The following PABIR3 variants were observed in gnomAD, a reference collection of about 807,000 sequenced individuals.
PABIR3 encodes the protein PABIR family member 3, also known as PABIR family member 1.
Under a neutral mutation model 23.1 loss-of-function variants are expected in PABIR3, and 20 were observed. The ratio of observed to expected loss-of-function variants is 0.86; its 90% CI spans 0.61 to 1.26. The LOEUF (loss-of-function observed/expected upper bound fraction) is 1.26, where lower values mean the gene tolerates loss of function less well. Among genes scored for constraint, PABIR3 ranks in the 50% most tolerant of loss-of-function variants. PABIR3 has a pLI of 0.00. For synonymous variants in PABIR3, 69 were observed against 68.5 expected (o/e 1.01, Z -0.04); for missense variants, 189 against 195.4 (o/e 0.97, Z 0.20).
chrX:134,834,818 G>T (rs2081921102), intron 4 of PABIR3, among the ~76,000 whole-genome samples: 1 of 111,900 alleles, frequency 8.9e-6, no homozygotes, highest in South Asian at 3.8e-4. Context: ...GCAGATGGTT[G>T]TATATGTGTG....
chrX:134,830,918 T>C (rs1296724580), intron 4 of PABIR3, among the ~76,000 whole-genome samples: 2 of 111,497 alleles, frequency 1.8e-5, no homozygotes, highest in Non-Finnish European at 3.8e-5. Context: ...ATTATAAATA[T>C]TTAAAAATGA....
intron 2 of PABIR3, chrX:134,810,022 T>C: frequency 1.3e-6 from 1 of 754,547 alleles, no homozygotes; most frequent in Non-Finnish European, 1.6e-6. Context: ...GCTCTAATTC[T>C]GTTGTGGGAA....
chrX:134,796,400 T>C (rs1202518694), upstream of PABIR3: 12 of 382,503 alleles, frequency 3.1e-5, no homozygotes, highest in Admixed American at 3.0e-4. Context: ...AGGAGGATGA[T>C]GATGAGGAAG....
In PABIR3 at chrX:134,815,736, G is replaced by A. The variant is rs756886673; in HGVS notation, c.189+887G>A. The stretch of plus-strand genomic sequence containing the variant: ...ACTTTGTCACCCAGGCTGGAGTGCA[G>A]TGACATGATCTCGGCTCACTGCAAC... On this transcript the variant is annotated intron_variant, in intron 3 of 10. Coordinates refer to ENST00000645433, the MANE Select transcript of PABIR3 (RefSeq NM_001388447.1). Among the ~76,000 whole-genome samples, 6 of 108,506 alleles carry A rather than the reference G, an allele frequency of 5.5e-5. No homozygotes were observed. The South Asian group carries it at 2.4e-3, about 44-fold the overall frequency. 94.2% of individuals were successfully genotyped at this position (108,506 alleles called of 115,157 possible). A position where few individuals can be genotyped will look rare whatever the true frequency, so the allele number is the denominator to read the frequency against.
At chrX:134,847,516 G>A in intron 7 of PABIR3, 41 bp downstream of exon 7, 1 of 978,130 alleles carries the variant, frequency 1.0e-6, no homozygotes, top group Non-Finnish European at 1.4e-6. Flanking sequence ...TCTTGAAATA[G>A]TTAGGAAATA....
chrX:134,851,244 C>T, intron 9 of PABIR3, among the ~76,000 whole-genome samples: 1 of 111,232 alleles, frequency 9.0e-6, no homozygotes, highest in Non-Finnish European at 1.9e-5. Context: ...TAGGAATAAG[C>T]AAGAGCATGG....
At chrX:134,831,451 A>G (rs2081773735) in intron 4 of PABIR3, among the ~76,000 whole-genome samples, 1 of 111,497 alleles carries the variant, frequency 9.0e-6, no homozygotes, top group African/African-American at 3.3e-5. Context: ...CAAAACAGAA[A>G]TGTCTGGTTC....
intron 2 of PABIR3, among the ~76,000 whole-genome samples, chrX:134,812,875 C>A (rs1389202221): frequency 6.3e-5 from 7 of 111,973 alleles, no homozygotes; most frequent in Non-Finnish European, 9.4e-5. Flanking sequence ...GAACCCCTGA[C>A]TCCCAGATGT....
At chrX:134,807,395 G>A (rs2080298936) in intron 1 of PABIR3, 54 bp downstream of exon 1, 3 of 999,884 alleles carry the variant, frequency 3.0e-6, no homozygotes, top group Non-Finnish European at 3.8e-6. Context: ...AGGCGGTTCG[G>A]AGCCAGTTCT....
At chrX:134,827,908 T>G (rs2081573231) in intron 3 of PABIR3, among the ~76,000 whole-genome samples, 1 of 109,435 alleles carries the variant, frequency 9.1e-6, no homozygotes, top group Admixed American at 9.9e-5. Context: ...TGTTCTGCCA[T>G]TTGGCTGTGA....
intron 4 of PABIR3, among the ~76,000 whole-genome samples, chrX:134,833,619 A>G (rs2081882608): frequency 9.0e-6 from 1 of 111,028 alleles, no homozygotes; most frequent in Admixed American, 9.7e-5. Flanking sequence ...TACGTGTTCC[A>G]TGGTGGTTTG....
downstream of PABIR3, among the ~76,000 whole-genome samples, chrX:134,855,776 A>G (rs892523322): frequency 6.3e-5 from 7 of 111,946 alleles, no homozygotes; most frequent in African/African-American, 2.3e-4. Flanking sequence ...CCAACTATTT[A>G]TAAAATGACT....
At chrX:134,815,316 T>C (rs1279797364) in intron 3 of PABIR3, among the ~76,000 whole-genome samples, 1 of 111,594 alleles carries the variant, frequency 9.0e-6, no homozygotes, top group Non-Finnish European at 1.9e-5. Flanking sequence ...TTGCTTTTCA[T>C]GGTATTATCA....
At chrX:134,845,585 C>T (rs764154229) in intron 6 of PABIR3, among the ~76,000 whole-genome samples, 184 bp downstream of exon 6, 5 of 111,069 alleles carry the variant, frequency 4.5e-5, no homozygotes, top group Non-Finnish European at 9.4e-5. Flanking sequence ...CAAGGTCTCA[C>T]TATGTTGTCC....
rs2080293422 is a variant in PABIR3, at chrX:134,807,322, G to T, written c.-79G>T. 3.2e-6 allele frequency: 3 copies of T among 945,581 alleles called. No individual in the cohort carries two copies. The highest frequency in any genetic ancestry group is 4.0e-5 in the African/African-American group (2 of 49,807). The allele number at this position is 945,581 out of a possible 1,213,427, so 77.9% of individuals were successfully genotyped here. ...CGGCGGTGACAGATTAAATTCCCCA[G>T]TTACATTATAGACTTGGAGGTGGGG... is the stretch of plus-strand genomic sequence containing the variant. On this transcript the variant is annotated 5_prime_UTR_variant, in exon 1 of 11. Coordinates refer to ENST00000645433, the MANE Select transcript of PABIR3 (RefSeq NM_001388447.1).
intron 4 of PABIR3, chrX:134,833,042 C>T (rs1053893057): frequency 9.0e-6 from 1 of 110,989 alleles, no homozygotes; most frequent in Non-Finnish European, 1.9e-5. Context: ...TTCCAGAAGG[C>T]CCACTGTGGA....
At chrX:134,828,019 C>CTG (rs1166700812) in intron 3 of PABIR3, among the ~76,000 whole-genome samples, 1 of 51,113 alleles carries the variant, frequency 2.0e-5, no homozygotes, top group Non-Finnish European at 3.8e-5. Context: ...TGCTCTCTCT[C>CTG]TCTCTCTCTC....
At chrX:134,821,542 G>A (rs1327128172) in intron 3 of PABIR3, 1 of 1,150,962 alleles carries the variant, frequency 8.7e-7, no homozygotes, top group East Asian at 3.3e-5. Flanking sequence ...TCTTCCAAAG[G>A]AAGCAGGGGA....
intron 9 of PABIR3, among the ~76,000 whole-genome samples, chrX:134,850,857 A>G (rs1213085374): frequency 1.8e-5 from 2 of 111,746 alleles, no homozygotes. Context: ...GGGAACTCCA[A>G]AGCGAATTCT....
Sources: allele counts gnomAD v4.1 joint callset (sites outside exome capture counted in the v4.1 genomes callset), GRCh38; gene constraint gnomAD v4.1.1; transcripts MANE v1.5; gene names NCBI Gene and HGNC (gene_info 2026-07-23, HGNC 2026-07-21).